PTPRN2: variants seen among roughly 807,000 people sequenced by gnomAD.
The protein encoded by PTPRN2 is protein tyrosine phosphatase receptor type N2, also known as receptor-type tyrosine-protein phosphatase N2.
Under a neutral mutation model 118.8 loss-of-function variants are expected in PTPRN2, and 74 were observed. The ratio of observed to expected loss-of-function variants is 0.62; its 90% confidence interval spans 0.52 to 0.76. The LOEUF is 0.76. PTPRN2 is among the 30% of genes least tolerant of loss of function. The pLI is 0.00. For synonymous variants in PTPRN2, 641 were observed against 608.0 expected (o/e 1.05, Z -0.80); for missense variants, 1,481 against 1,394.4 (o/e 1.06, Z -0.99).
At chr7:158,402,891 A>G (rs1813059466) in intron 2 of PTPRN2, among the ~76,000 whole-genome samples, 1 of 152,176 alleles carries the variant, frequency 6.6e-6, no homozygotes, top group East Asian at 1.9e-4. Context: ...GATGAGGGAG[A>G]ATCATGGGGT....
At chr7:157,791,821 G>A (rs1034212652) in intron 12 of PTPRN2, among the ~76,000 whole-genome samples, 1 of 152,256 alleles carries the variant, frequency 6.6e-6, no homozygotes, top group Non-Finnish European at 1.5e-5. Context: ...AGGACCTGGA[G>A]GGTATCGCAC....
chr7:158,397,653 C>G (rs986548386), intron 2 of PTPRN2, among the ~76,000 whole-genome samples: 3 of 152,154 alleles, frequency 2.0e-5, no homozygotes, highest in Non-Finnish European at 4.4e-5. Context: ...TCCCTCCCCA[C>G]CCCCCAGTCA....
intron 2 of PTPRN2, among the ~76,000 whole-genome samples, chr7:158,367,146 CCTCGG>C (rs1364632382): frequency 6.6e-6 from 1 of 152,200 alleles, no homozygotes; most frequent in African/African-American, 2.4e-5. Flanking sequence ...GCTGACTTCT[CCTCGG>C]TCAACCAGCC....
chr7:158,146,049 GTTTTCCACTC>G (rs1819945017), intron 6 of PTPRN2, among the ~76,000 whole-genome samples: 1 of 133,800 alleles, frequency 7.5e-6, no homozygotes, highest in Non-Finnish European at 1.6e-5. Flanking sequence ...AATCATTTTA[GTTTTCCACTC>G]TTTTCCCCCT....
chr7:158,098,994 C>T (rs112377321), intron 10 of PTPRN2, among the ~76,000 whole-genome samples: 225 of 27,290 alleles, frequency 8.2e-3, no homozygotes, highest in African/African-American at 0.022. Context: ...CCGGCTGCCT[C>T]CCCTTCCTCC....
At chr7:158,181,710 T>C (rs1170883616) in intron 5 of PTPRN2, among the ~76,000 whole-genome samples, 2 of 152,206 alleles carry the variant, frequency 1.3e-5, no homozygotes, top group South Asian at 2.1e-4. Flanking sequence ...TCATTTCTTC[T>C]AGATTTTCTA....
intron 11 of PTPRN2, among the ~76,000 whole-genome samples, chr7:157,958,892 CA>C (rs1801350643): frequency 2.0e-5 from 3 of 152,122 alleles, no homozygotes. Flanking sequence ...AGAGATAGAA[CA>C]ACCCATCCAA....
At chr7:158,499,096 A>G (rs1210401894) in intron 1 of PTPRN2, among the ~76,000 whole-genome samples, 2 of 152,248 alleles carry the variant, frequency 1.3e-5, no homozygotes, top group African/African-American at 4.8e-5. Context: ...TTGTTAAAGC[A>G]CCAAAGCCCT....
intron 10 of PTPRN2, among the ~76,000 whole-genome samples, chr7:158,092,605 T>C (rs1563424619): frequency 6.6e-6 from 1 of 152,162 alleles, no homozygotes. Context: ...GGCTATACAT[T>C]TAGTGAATTG....
Position 158,175,114 on chromosome 7 carries a change from T to C in PTPRN2, c.550-7823A>G, listed in dbSNP as rs1824068660. Among the ~76,000 whole-genome samples, 3 of 152,202 alleles carry C rather than the reference T, an allele frequency of 2.0e-5. No individual in the cohort carries two copies. The South Asian group carries it at 6.2e-4, about 31-fold the overall frequency. On this transcript the variant is annotated intron_variant, in intron 5 of 22. Coordinates refer to ENST00000389418, the MANE Select transcript of PTPRN2 (RefSeq NM_002847.5). ...TGCCCATGCTCATCAGCTATTCTCC[T>C]GCACCGAGGATCCAAAACAAATTAG...
intron 11 of PTPRN2, among the ~76,000 whole-genome samples, chr7:157,899,173 T>C (rs1453125459): frequency 1.3e-5 from 2 of 152,248 alleles, no homozygotes; most frequent in Non-Finnish European, 2.9e-5. Flanking sequence ...TGAATGTGTG[T>C]ATTTCTGCCA....
chr7:158,044,057 C>T (rs1808665831), intron 11 of PTPRN2, among the ~76,000 whole-genome samples: 1 of 152,226 alleles, frequency 6.6e-6, no homozygotes, highest in South Asian at 2.1e-4. Context: ...GGACTACATC[C>T]TGCCACACAT....
intron 12 of PTPRN2, among the ~76,000 whole-genome samples, chr7:157,816,025 A>G (rs929172884): frequency 2.6e-5 from 4 of 152,210 alleles, no homozygotes; most frequent in African/African-American, 7.2e-5. Context: ...TCACTCATGC[A>G]CGTACAGATC....
At chr7:158,149,687 C>T (rs1585634957) in intron 6 of PTPRN2, among the ~76,000 whole-genome samples, 1 of 152,030 alleles carries the variant, frequency 6.6e-6, no homozygotes, top group Admixed American at 6.5e-5. Context: ...GCCTGTAGTC[C>T]CAGCTACTCA....
chr7:158,387,364 G>A (rs1050170171), intron 2 of PTPRN2, among the ~76,000 whole-genome samples: 3 of 152,366 alleles, frequency 2.0e-5, no homozygotes, highest in Middle Eastern at 3.4e-3. Flanking sequence ...GGCTGAGGTG[G>A]GGCCAGGACC....
At chr7:157,655,662 G>C (rs1425783463) in intron 14 of PTPRN2, among the ~76,000 whole-genome samples, 1 of 152,200 alleles carries the variant, frequency 6.6e-6, no homozygotes, top group Non-Finnish European at 1.5e-5. Flanking sequence ...AAACAGCACA[G>C]CCAGGCACGG....
At chr7:158,123,389 G>C (rs535186251) in intron 9 of PTPRN2, among the ~76,000 whole-genome samples, 3 of 152,128 alleles carry the variant, frequency 2.0e-5, no homozygotes. Flanking sequence ...GGTGACCGAC[G>C]CCATGGTGAC....
intron 5 of PTPRN2, among the ~76,000 whole-genome samples, chr7:158,176,294 T>A (rs1252502925): frequency 6.6e-6 from 1 of 152,074 alleles, no homozygotes; most frequent in South Asian, 2.1e-4. Flanking sequence ...GCCACGGGGC[T>A]CTTATTCACT....
intron 21 of PTPRN2, among the ~76,000 whole-genome samples, chr7:157,562,789 C>T (rs954717935): frequency 1.0e-4 from 15 of 147,440 alleles, no homozygotes; most frequent in East Asian, 2.1e-4. Context: ...CATGTGCTCC[C>T]GCATCACCAC....
Sources: allele counts gnomAD v4.1 joint callset (sites outside exome capture counted in the v4.1 genomes callset), GRCh38; gene constraint gnomAD v4.1.1; transcripts MANE v1.5; gene names NCBI Gene and HGNC (gene_info 2026-07-23, HGNC 2026-07-21).